The following CPNE7 variants were observed in gnomAD, a reference collection of about 807,000 sequenced individuals.
CPNE7 encodes the protein copine-7.
In CPNE7, 78 loss-of-function variants were observed where a neutral mutation model predicts 66.5. The observed-to-expected ratio is 1.17, with a 90% CI of 0.98 to 1.42. CPNE7 has a LOEUF of 1.42. Ranked by LOEUF, CPNE7 falls within the 40% of genes most tolerant of loss-of-function variation. The pLI, the probability that CPNE7 is intolerant of heterozygous loss-of-function variation, is 0.00. For synonymous variants in CPNE7, 468 were observed against 336.7 expected (o/e 1.39, Z -4.27); for missense variants, 1,012 against 776.6 (o/e 1.30, Z -3.60).
Position 89,585,734 on chromosome 16 carries a change from A to T in CPNE7, c.729A>T (p.Gly243=). Reference sequence around the variant, plus strand: ...CTCGAGGAAAGCACGACTTCATCGGAGAATTCTCTACCACCTTCGAGGAGA... The same window carrying T: ...CTCGAGGAAAGCACGACTTCATCGGTGAATTCTCTACCACCTTCGAGGAGA... ...YDSRGKHDFI[G]EFSTTFEEMQ... is the part of the protein sequence containing the mutation. Residue 243 remains glycine, a synonymous_variant, in exon 7 of 15, where the codon GGA becomes GGT. Coordinates refer to ENST00000319518, the MANE Select transcript of CPNE7 (RefSeq NM_153636.3). 6.5e-7 allele frequency: 1 copy of T among 1,538,042 alleles called. No individual in the cohort carries two copies. The highest frequency in any genetic ancestry group is 1.2e-5 in the South Asian group (1 of 83,702).
intron 2 of CPNE7, among the ~76,000 whole-genome samples, chr16:89,579,964 GTCACCCGTCACACGGAACATCCCA>G (rs1355838018): frequency 0.027 from 840 of 31,046 alleles, 302 homozygotes; most frequent in Non-Finnish European, 0.056. Flanking sequence ...GGAACATCCC[GTCACCCGTCACACGGAACATCCCA>G]TCACACGGAA....
chr16:89,587,500 C>T (rs1368820926), intron 9 of CPNE7: 11 of 450,822 alleles, frequency 2.4e-5, no homozygotes, highest in African/African-American at 1.2e-4. Context: ...GCCCCAAGCC[C>T]GCCTTGGGAG....
At position 89,575,883 on chromosome 16, in the gene CPNE7, C is replaced by G; in HGVS notation, c.-15C>G. 8.3e-7 allele frequency: 1 copy of G among 1,208,650 alleles called. No individual in the cohort carries two copies. Among genetic ancestry groups the G allele is most frequent in the Non-Finnish European group, 1.0e-6 (1 of 972,872 alleles). 74.9% of individuals were successfully genotyped at this position (1,208,650 alleles called of 1,614,324 possible). On this transcript the variant is annotated 5_prime_UTR_variant, in exon 1 of 15. Transcript: ENST00000319518. Reference sequence around the variant, plus strand: ...CCCCTCAGTGCGCCCAGCCGGGCCCCCGAACGCCGGGAGCATGAGCGCGGG... The same window carrying G: ...CCCCTCAGTGCGCCCAGCCGGGCCCGCGAACGCCGGGAGCATGAGCGCGGG...
chr16:89,580,424 C>G (rs1242356951), intron 2 of CPNE7, among the ~76,000 whole-genome samples: 2 of 133,062 alleles, frequency 1.5e-5, no homozygotes, highest in African/African-American at 5.6e-5. Flanking sequence ...CATCCCATCA[C>G]CCATCACACA....
At chr16:89,596,021 A>G in intron 14 of CPNE7, 2 of 470,902 alleles carry the variant, frequency 4.2e-6, no homozygotes, top group South Asian at 3.2e-5. Context: ...GGCAAGACAC[A>G]CATGTCACAC....
Position 89,583,743 on chromosome 16 carries a change from G to A in CPNE7, c.404G>A (p.Gly135Asp), listed in dbSNP as rs1458059952. 1 of 1,612,770 alleles carries A rather than the reference G, an allele frequency of 6.2e-7. No homozygotes were observed. Among genetic ancestry groups the A allele is most frequent in the Non-Finnish European group, 8.5e-7 (1 of 1,179,930 alleles). The change falls in exon 3 of 15, where the codon GGC (glycine) becomes GAC (aspartate). Residue 135 changes from glycine (G) to aspartate (D), a missense_variant. Coordinates refer to ENST00000319518, the MANE Select transcript of CPNE7 (RefSeq NM_153636.3). ...KVTRPLLLKFGRNAGKSTITV... is the reference protein window; with the variant it reads ...KVTRPLLLKFDRNAGKSTITV... ...ACCCGCCCGCTGCTGCTCAAGTTTG[G>A]CAGGAACGCTGGCAAGTCCACCATC...
rs144441528 is a variant in CPNE7, at chr16:89,586,503, C to T, written c.781-167C>T. 2.5e-3 allele frequency among the ~76,000 whole-genome samples: 376 copies of T among 151,882 alleles called. 1 individual carries two copies. The highest frequency in any genetic ancestry group is 6.8e-3 in the Middle Eastern group (2 of 292). ...TGCAACTCCCATCCCTCTTCATTCC[C>T]GTATGACCCACTCTGCCCCTTCCTG... is the stretch of plus-strand genomic sequence containing the variant. On this transcript the variant is annotated intron_variant, in intron 7 of 14. Coordinates refer to ENST00000319518, the MANE Select transcript of CPNE7 (RefSeq NM_153636.3).
At chr16:89,576,364 C>T (rs1164303649) in intron 1 of CPNE7, among the ~76,000 whole-genome samples, 7 of 151,810 alleles carry the variant, frequency 4.6e-5, no homozygotes, top group Non-Finnish European at 1.0e-4. Context: ...GGGCCCCGGG[C>T]CAGAGTGAAG....
At position 89,584,332 on chromosome 16, in the gene CPNE7, G is replaced by T. The variant is rs2151436459; in HGVS notation, c.507+230G>T. 6.6e-6 allele frequency among the ~76,000 whole-genome samples: 1 copy of T among 152,348 alleles called. No individual in the cohort carries two copies. The highest frequency in any genetic ancestry group is 6.5e-5 in the Admixed American group (1 of 15,310). ...GCTGGGGCTGGGGCAGCTCCCTCCT[G>T]TGGGGACCACTCATGACCCTGCTCA... On this transcript the variant is annotated intron_variant, in intron 4 of 14. Transcript: ENST00000319518. The surrounding 1 kb of genome is among the most constrained non-coding windows in gnomAD (Gnocchi z 6.0).
intron 5 of CPNE7, 132 bp from the exon 6 acceptor site, chr16:89,585,332 C>T (rs544179200): frequency 6.5e-5 from 43 of 664,396 alleles, no homozygotes; most frequent in African/African-American, 1.3e-4. Flanking sequence ...AGGGCCCCGG[C>T]GCTGTCTGGG....
intron 1 of CPNE7, among the ~76,000 whole-genome samples, chr16:89,577,144 A>G (rs887076270): frequency 6.6e-6 from 1 of 152,096 alleles, no homozygotes; most frequent in African/African-American, 2.4e-5. Context: ...GAGGCTGGTG[A>G]GCCCATGGTA....
chr16:89,596,646 G>C lies in CPNE7; in HGVS notation c.*25G>C, dbSNP rs755820741. On this transcript the variant is annotated 3_prime_UTR_variant, in exon 15 of 15. Coordinates refer to ENST00000319518, the MANE Select transcript of CPNE7 (RefSeq NM_153636.3). The stretch of plus-strand genomic sequence containing the variant: ...AAGATGTGGAGGGCGTAGGGTGGGG[G>C]CAGTGAGGAATGGGTCCGTACAGCC... 10 of 1,573,342 alleles carry C rather than the reference G, an allele frequency of 6.4e-6. No individual in the cohort carries two copies. The highest frequency in any genetic ancestry group is 2.7e-5 in the African/African-American group (2 of 73,708).
chr16:89,593,648 G>C (rs560929743), intron 13 of CPNE7, among the ~76,000 whole-genome samples: 2 of 152,114 alleles, frequency 1.3e-5, no homozygotes, highest in Admixed American at 1.3e-4. Context: ...CACCGCGCCC[G>C]GCCTACCTCT....
chr16:89,582,453 G>A (rs1399794943), intron 2 of CPNE7, among the ~76,000 whole-genome samples: 1 of 152,192 alleles, frequency 6.6e-6, no homozygotes, highest in Admixed American at 6.5e-5. Flanking sequence ...CCTTTCCTGC[G>A]CCCTCCCTGG....
chr16:89,587,748 C>CG (rs1389682792), intron 9 of CPNE7: 1 of 127,242 alleles, frequency 7.9e-6, no homozygotes, highest in South Asian at 6.8e-5. Context: ...TACACGGCCC[C>CG]CGTGTCACCC....
rs899217961 is a variant in CPNE7, at chr16:89,584,472, G to T, written c.508-302G>T. Reference sequence around the variant, plus strand: ...GGTGGGCAGAACAGGGTCCAACCCCGCCATGTAGGGCGTCTCCCTGGAGGG... The same window carrying T: ...GGTGGGCAGAACAGGGTCCAACCCCTCCATGTAGGGCGTCTCCCTGGAGGG... On this transcript the variant is annotated intron_variant, in intron 4 of 14. Transcript: ENST00000319518. This position sits in a 1 kb window ranked among gnomAD's most constrained non-coding sequence, Gnocchi z 6.0. 2.6e-5 allele frequency among the ~76,000 whole-genome samples: 4 copies of T among 152,186 alleles called. No homozygotes were observed. The highest frequency in any genetic ancestry group is 9.6e-5 in the African/African-American group (4 of 41,452).
intron 2 of CPNE7, 177 bp from the exon 3 acceptor site, chr16:89,583,520 G>A (rs765782384): frequency 6.4e-7 from 1 of 1,566,180 alleles, no homozygotes; most frequent in South Asian, 1.2e-5. Context: ...CCACACGCAG[G>A]GATGGCAGGT....
chr16:89,588,206 G>A (rs1352483230), intron 9 of CPNE7, among the ~76,000 whole-genome samples: 1 of 21,146 alleles, frequency 4.7e-5, no homozygotes, highest in Non-Finnish European at 1.0e-4. Context: ...CGTGTCACCC[G>A]CGTGTCACCC....
chr16:89,577,731 C>T lies in CPNE7; in HGVS notation c.357+10C>T, dbSNP rs1404565830. ...GTGCACCCTGGGGCAGGTGGGTGCC[C>T]CGTCCCCTCGGAGGGAGGAGGACGG... On this transcript the variant is annotated intron_variant, in intron 2 of 14. Transcript: ENST00000319518. The T allele has an allele frequency of 6.3e-7, 1 of 1,579,830 alleles. No homozygotes were observed. The highest frequency in any genetic ancestry group is 1.2e-5 in the South Asian group (1 of 86,442).
Sources: allele counts gnomAD v4.1 joint callset (sites outside exome capture counted in the v4.1 genomes callset), GRCh38; gene constraint gnomAD v4.1.1; non-coding constraint Gnocchi (gnomAD v3.1); transcripts MANE v1.5; gene names NCBI Gene and HGNC (gene_info 2026-07-23, HGNC 2026-07-21).